Variants in KDM1B observed in about 807,000 individuals in gnomAD.
KDM1B encodes lysine demethylase 1B, also known as lysine-specific histone demethylase 2.
KDM1B carries 63 observed loss-of-function variants against 107.4 expected under a neutral mutation model. The observed-to-expected ratio is 0.59, with a 90% CI of 0.48 to 0.72. The LOEUF is 0.72. Ranked by LOEUF, KDM1B falls within the 30% of genes least tolerant of loss-of-function variation. The pLI is 0.00. For missense variants in KDM1B, 749 were observed against 1,020.8 expected, an observed-to-expected ratio of 0.73 and a Z score of 3.63; for synonymous variants, 363 against 363.9, an observed-to-expected ratio of 1.00 and a Z score of 0.03.
In KDM1B at chr6:18,186,538, T is replaced by A. The variant is rs1358390922; in HGVS notation, c.573+728T>A. Reference sequence around the variant, plus strand: ...AAAGACAGCATTGACTTTTAGCAAATCTACTTTAAATCCATTCTGTTATAT... The same window carrying A: ...AAAGACAGCATTGACTTTTAGCAAAACTACTTTAAATCCATTCTGTTATAT... On this transcript the variant is annotated intron_variant, in intron 8 of 21. Transcript: ENST00000650836. The surrounding 1 kb of genome is among the most constrained non-coding windows in gnomAD (Gnocchi z 5.6). Among the ~76,000 whole-genome samples, 1 of 152,180 alleles carries A rather than the reference T, an allele frequency of 6.6e-6. No homozygotes were observed. The highest frequency in any genetic ancestry group is 1.5e-5 in the Non-Finnish European group (1 of 68,038).
intron 20 of KDM1B, among the ~76,000 whole-genome samples, 182 bp from the exon 21 acceptor site, chr6:18,217,551 C>G (rs1789341410): frequency 6.6e-6 from 1 of 151,626 alleles, no homozygotes; most frequent in Non-Finnish European, 1.5e-5. Context: ...GCTAATTTTT[C>G]TATTTTTAGT....
intron 6 of KDM1B, among the ~76,000 whole-genome samples, chr6:18,168,219 CT>C (rs1332875027): frequency 6.6e-6 from 1 of 152,238 alleles, no homozygotes; most frequent in Non-Finnish European, 1.5e-5. Context: ...ATTACCACCC[CT>C]ATCTAATTCC....
intron 10 of KDM1B, among the ~76,000 whole-genome samples, chr6:18,193,484 T>TA (rs905221134): frequency 2.2e-4 from 33 of 151,664 alleles, no homozygotes; most frequent in African/African-American, 8.0e-4. Flanking sequence ...TTTTTTTTTT[T>TA]AGAGATGAGG....
At chr6:18,189,416 C>T (rs1394359823) in intron 9 of KDM1B, among the ~76,000 whole-genome samples, 1 of 152,186 alleles carries the variant, frequency 6.6e-6, no homozygotes, top group Non-Finnish European at 1.5e-5. Flanking sequence ...AACAGACACT[C>T]TTTGACCCAG....
Position 18,205,731 on chromosome 6 carries a change from C to G in KDM1B, c.1659+67C>G. Reference sequence around the variant, plus strand: ...GGTTTAGGCCGGGCGCAGTGGCTCACGCCTGTAATCCCAGCACTTTGGGAG... The same window carrying G: ...GGTTTAGGCCGGGCGCAGTGGCTCAGGCCTGTAATCCCAGCACTTTGGGAG... On this transcript the variant is annotated intron_variant, in intron 15 of 21. Coordinates refer to ENST00000650836, the MANE Select transcript of KDM1B (RefSeq NM_001364614.2). The surrounding 1 kb of genome is among the most constrained non-coding windows in gnomAD (Gnocchi z 5.7). 1 of 1,391,448 alleles carries G rather than the reference C, an allele frequency of 7.2e-7. No homozygotes were observed. The allele number at this position is 1,391,448 out of a possible 1,614,324, so 86.2% of individuals were successfully genotyped here. A position where few individuals can be genotyped will look rare whatever the true frequency, so the allele number is the denominator to read the frequency against.
rs377076705 is a variant in KDM1B at position 18,201,858 on chromosome 6, T to TACAC, written c.1531+213_1531+216dup. On this transcript the variant is annotated intron_variant, in intron 14 of 21. Transcript: ENST00000650836. This position sits in a 1 kb window ranked among gnomAD's most constrained non-coding sequence, Gnocchi z 4.3. ...GGGAGGCTTAGATGCTTGTGTTGTGTACACACACACACACAGACCTTACTT... is the reference window on the plus strand; with the variant it reads ...GGGAGGCTTAGATGCTTGTGTTGTGTACACACACACACACACACAGACCTTACTT... Among the ~76,000 whole-genome samples the TACAC allele has an allele frequency of 1.3e-5, 2 of 151,300 alleles. No homozygotes were observed. Among genetic ancestry groups the TACAC allele is most frequent in the East Asian group, 1.9e-4 (1 of 5,188 alleles).
At chr6:18,208,329 T>C (rs1788532196) in intron 17 of KDM1B, 123 bp downstream of exon 17, 1 of 679,048 alleles carries the variant, frequency 1.5e-6, no homozygotes, top group African/African-American at 1.8e-5. Flanking sequence ...TTGTTGGATT[T>C]CTGGTAAGTT....
In KDM1B at chr6:18,211,930, T is replaced by A. The variant is rs556367589; in HGVS notation, c.1867-558T>A. 6.3e-6 allele frequency: 1 copy of A among 158,660 alleles called. No homozygotes were observed. Among genetic ancestry groups the A allele is most frequent in the East Asian group, 1.9e-4 (1 of 5,400 alleles). 9.8% of individuals were successfully genotyped at this position (158,660 alleles called of 1,614,324 possible). A position where few individuals can be genotyped will look rare whatever the true frequency, so the allele number is the denominator to read the frequency against. On this transcript the variant is annotated intron_variant, in intron 17 of 21. Coordinates refer to ENST00000650836, the MANE Select transcript of KDM1B (RefSeq NM_001364614.2). The surrounding 1 kb of genome is among the most constrained non-coding windows in gnomAD (Gnocchi z 5.2). ...TAGTTAGGGCTCTTTCCTCCTCAAGTACTGCTTTTCGGGGTTTTGTTTTTT... is the reference window on the plus strand; with the variant it reads ...TAGTTAGGGCTCTTTCCTCCTCAAGAACTGCTTTTCGGGGTTTTGTTTTTT...
chr6:18,183,883 C>G (rs1238920402), intron 7 of KDM1B, among the ~76,000 whole-genome samples: 1 of 152,156 alleles, frequency 6.6e-6, no homozygotes, highest in Non-Finnish European at 1.5e-5. Flanking sequence ...ACAAATGCTA[C>G]TGTGAGCATT....
intron 7 of KDM1B, among the ~76,000 whole-genome samples, chr6:18,179,325 G>A (rs1180644272): frequency 6.6e-6 from 1 of 152,138 alleles, no homozygotes; most frequent in Non-Finnish European, 1.5e-5. Flanking sequence ...TTTTGCATCT[G>A]TGTTTGTCTT....
Position 18,214,732 on chromosome 6 carries a change from A to G in KDM1B, c.2110-275A>G, listed in dbSNP as rs1338432153. Reference sequence around the variant, plus strand: ...TGAGACCAGTCTGGCCAACATGGTGAAACCCTGTCTCTACTAAAAATACAA... The same window carrying G: ...TGAGACCAGTCTGGCCAACATGGTGGAACCCTGTCTCTACTAAAAATACAA... On this transcript the variant is annotated intron_variant, in intron 19 of 21. Transcript: ENST00000650836. This position sits in a 1 kb window ranked among gnomAD's most constrained non-coding sequence, Gnocchi z 4.4. Among the ~76,000 whole-genome samples, 1 of 152,174 alleles carries G rather than the reference A, an allele frequency of 6.6e-6. No homozygotes were observed. The highest frequency in any genetic ancestry group is 1.5e-5 in the Non-Finnish European group (1 of 68,032).
Position 18,211,946 on chromosome 6 carries a change from TTTG to T in KDM1B, c.1867-539_1867-537del. The T allele has an allele frequency of 6.4e-6, 1 of 157,068 alleles. No homozygotes were observed. The highest frequency in any genetic ancestry group is 2.6e-5 in the African/African-American group (1 of 38,926). 9.7% of individuals were successfully genotyped at this position (157,068 alleles called of 1,614,324 possible). ...CTCCTCAAGTACTGCTTTTCGGGGT[TTTG>T]TTTTTTTTTTTTTTTTGAGACAGTC... On this transcript the variant is annotated intron_variant, in intron 17 of 21. Transcript: ENST00000650836. The surrounding 1 kb of genome is among the most constrained non-coding windows in gnomAD (Gnocchi z 5.2).
At position 18,166,342 on chromosome 6, in the gene KDM1B, C is replaced by T. The variant is rs764933053; in HGVS notation, c.381C>T (p.Pro127=). 6.2e-7 allele frequency: 1 copy of T among 1,613,080 alleles called. No homozygotes were observed. The highest frequency in any genetic ancestry group is 1.7e-5 in the Admixed American group (1 of 60,008). Residue 127 remains proline, a synonymous_variant, in exon 6 of 22, where the codon CCC becomes CCT. Transcript: ENST00000650836. ...WTSNGKTEPS[P]KAFMADQQLP... ...GCAATGGCAAAACCGAACCTAGTCC[C>T]AAAGCTTTCATGGCAGACCAGCAAC...
chr6:18,210,123 T>C (rs550045458), intron 17 of KDM1B, among the ~76,000 whole-genome samples: 1 of 152,182 alleles, frequency 6.6e-6, no homozygotes, highest in Non-Finnish European at 1.5e-5. Context: ...AATATTTTTA[T>C]TGTAGCTAGC....
intron 6 of KDM1B, 146 bp from the exon 7 acceptor site, chr6:18,171,217 A>G (rs1785642717): frequency 1.5e-6 from 1 of 653,420 alleles, no homozygotes. Flanking sequence ...GGTGAAAGTG[A>G]ATTATATGGA....
rs141222425 is a variant in KDM1B, at chr6:18,186,973, T to TACACACACACACAC, written c.574-805_574-792dup. On this transcript the variant is annotated intron_variant, in intron 8 of 21. Transcript: ENST00000650836. The surrounding 1 kb of genome is among the most constrained non-coding windows in gnomAD (Gnocchi z 5.6). ...CAGTATGTATATATGTGTGTGTGTG[T>TACACACACACACAC]ACACACACACACACACACACACACA... 8.1e-4 allele frequency among the ~76,000 whole-genome samples: 120 copies of TACACACACACACAC among 147,530 alleles called. No individual in the cohort carries two copies. The highest frequency in any genetic ancestry group is 2.8e-3 in the African/African-American group (112 of 40,000).
chr6:18,220,502 C>A (rs1047076877), intron 21 of KDM1B, among the ~76,000 whole-genome samples: 1 of 151,894 alleles, frequency 6.6e-6, no homozygotes, highest in Non-Finnish European at 1.5e-5. Flanking sequence ...GCCAAGATCA[C>A]GCCACTGCAC....
Position 18,186,014 on chromosome 6 carries a change from A to T in KDM1B, c.573+204A>T, listed in dbSNP as rs1197476918. On this transcript the variant is annotated intron_variant, in intron 8 of 21. Transcript: ENST00000650836. The surrounding 1 kb of genome is among the most constrained non-coding windows in gnomAD (Gnocchi z 5.6). ...TCCTGTCCCCAACTTAAAAAATAAA[A>T]ATAAAGTTATGTTGCTTTTCATTAA... Among the ~76,000 whole-genome samples, 1 of 152,202 alleles carries T rather than the reference A, an allele frequency of 6.6e-6. No individual in the cohort carries two copies. Among genetic ancestry groups the T allele is most frequent in the Non-Finnish European group, 1.5e-5 (1 of 68,046 alleles).
At chr6:18,216,808 G>A (rs1789270079) in intron 20 of KDM1B, among the ~76,000 whole-genome samples, 1 of 152,018 alleles carries the variant, frequency 6.6e-6, no homozygotes, top group Non-Finnish European at 1.5e-5. Context: ...TTTTATTATT[G>A]TCATTAATCT....
Sources: gnomAD v4.1 joint callset for allele counts (sites outside exome capture counted in the v4.1 genomes callset) on GRCh38, gnomAD v4.1.1 for gene constraint, Gnocchi (gnomAD v3.1) non-coding constraint, MANE v1.5 for transcripts, NCBI Gene and HGNC (gene_info 2026-07-23, HGNC 2026-07-21) for gene names.